CXCL13: variants seen among roughly 807,000 people sequenced by gnomAD.
CXCL13 encodes C-X-C motif chemokine 13.
In CXCL13, 7 loss-of-function variants were observed where a neutral mutation model predicts 12.2. The observed-to-expected ratio is 0.57, with a 90% CI of 0.33 to 1.07. The LOEUF (loss-of-function observed/expected upper bound fraction) is 1.07. CXCL13 is among the 50% of genes least tolerant of loss of function. The pLI, the probability that CXCL13 is intolerant of heterozygous loss-of-function variation, is 0.04. For synonymous variants in CXCL13, 47 were observed against 42.4 expected (o/e 1.11, Z -0.42); for missense variants, 113 against 127.4 (o/e 0.89, Z 0.55).
intron 1 of CXCL13, among the ~76,000 whole-genome samples, chr4:77,514,686 A>T (rs1241699850): frequency 1.3e-5 from 2 of 151,156 alleles, no homozygotes; most frequent in Non-Finnish European, 2.9e-5. Flanking sequence ...GTTTGAGTTC[A>T]TTGTAGATTC....
rs1482664785 is a variant in CXCL13, at chr4:77,573,406, GTGTGTA to G, written c.-42-32414_-42-32409del. Among the ~76,000 whole-genome samples, 40 of 136,424 alleles carry G rather than the reference GTGTGTA, an allele frequency of 2.9e-4. 1 individual carries two copies. Among genetic ancestry groups the G allele is most frequent in the Middle Eastern group, 3.6e-3 (1 of 278 alleles). The allele number at this position is 136,424 out of a possible 152,430, so 89.5% of individuals were successfully genotyped here. ...TGTGTGTGTGTGTGTGTGTGTGTGT[GTGTGTA>G]TGTCTAAATGTGTTTTATGTGTATT... On this transcript the variant is annotated intron_variant, in intron 1 of 4. Coordinates refer to the CXCL13 transcript ENST00000286758.
At chr4:77,565,904 G>A (rs1202123342) in intron 1 of CXCL13, among the ~76,000 whole-genome samples, 3 of 152,186 alleles carry the variant, frequency 2.0e-5, no homozygotes, top group African/African-American at 7.2e-5. Context: ...AAGAGAAGAT[G>A]ATATAATAGC....
intron 1 of CXCL13, among the ~76,000 whole-genome samples, chr4:77,513,456 T>A (rs1560511034): frequency 7.6e-6 from 1 of 132,060 alleles, no homozygotes; most frequent in African/African-American, 3.5e-5. Flanking sequence ...GTTTCCTGAC[T>A]TTTTTTTTTT....
Position 77,516,415 on chromosome 4 carries a change from C to A in CXCL13, c.-43+4627C>A, listed in dbSNP as rs1020929850. 2.0e-5 allele frequency among the ~76,000 whole-genome samples: 3 copies of A among 152,094 alleles called. No individual in the cohort carries two copies. The East Asian group carries it at 5.8e-4, about 29-fold the overall frequency. On this transcript the variant is annotated intron_variant, in intron 1 of 4. Transcript: ENST00000286758. ...TCCTCCTTGTACCTCTGGTAGAATT[C>A]GGCTGTGAATCCATCTGGTCCTGGA...
chr4:77,580,655 C>T (rs890662196), intron 1 of CXCL13, among the ~76,000 whole-genome samples: 4 of 151,768 alleles, frequency 2.6e-5, no homozygotes, highest in African/African-American at 9.7e-5. Flanking sequence ...GGATTTATTT[C>T]TGGCTTTTCC....
chr4:77,581,906 A>T (rs1245647067), intron 1 of CXCL13, among the ~76,000 whole-genome samples: 1 of 152,148 alleles, frequency 6.6e-6, no homozygotes. Flanking sequence ...CTACTCGTTG[A>T]ACTGGTTGCA....
upstream of CXCL13, among the ~76,000 whole-genome samples, chr4:77,602,025 T>C (rs58167062): frequency 0.028 from 4,312 of 152,310 alleles, 187 homozygotes; most frequent in African/African-American, 0.097. Flanking sequence ...AAGTTTCTGT[T>C]TTCTAGTTGA....
At chr4:77,591,476 G>A (rs901512281) in intron 1 of CXCL13, among the ~76,000 whole-genome samples, 17 of 150,090 alleles carry the variant, frequency 1.1e-4, no homozygotes, top group African/African-American at 2.0e-4. Flanking sequence ...GCCTGAACTC[G>A]GGAGGCGGAG....
intron 1 of CXCL13, among the ~76,000 whole-genome samples, chr4:77,522,358 C>G (rs1260439648): frequency 3.3e-5 from 5 of 151,906 alleles, no homozygotes; most frequent in Admixed American, 2.0e-4. Context: ...CTTTATGAAT[C>G]TGGGTGCTCC....
intron 1 of CXCL13, among the ~76,000 whole-genome samples, chr4:77,594,588 G>A (rs1005773884): frequency 1.3e-5 from 2 of 150,484 alleles, no homozygotes; most frequent in East Asian, 3.8e-4. Context: ...CCTGGGCTCT[G>A]TTGACAGGCA....
intron 1 of CXCL13, among the ~76,000 whole-genome samples, chr4:77,529,705 A>T (rs1344873809): frequency 1.3e-5 from 2 of 152,220 alleles, no homozygotes; most frequent in Non-Finnish European, 2.9e-5. Context: ...TAGATATAGA[A>T]TCATGTCATC....
At position 77,522,514 on chromosome 4, in the gene CXCL13, C is replaced by CTTTTTTTTTTTTTTTTT. The variant is rs777857811; in HGVS notation, c.-43+10740_-43+10756dup. On this transcript the variant is annotated intron_variant, in intron 1 of 4. Coordinates refer to the CXCL13 transcript ENST00000286758. ...TCAGAGACTAGGACTGCAACCCCTG[C>CTTTTTTTTTTTTTTTTT]TTTTTTTTTTTTTTTTTTTTTTTTT... 3.0e-4 allele frequency among the ~76,000 whole-genome samples: 3 copies of CTTTTTTTTTTTTTTTTT among 10,090 alleles called. 1 individual carries two copies. The highest frequency in any genetic ancestry group is 1.2e-3 in the Admixed American group (1 of 846). 6.6% of individuals were successfully genotyped at this position (10,090 alleles called of 152,430 possible). A position where few individuals can be genotyped will look rare whatever the true frequency, so the allele number is the denominator to read the frequency against.
At chr4:77,559,180 C>T (rs1455721898) in intron 1 of CXCL13, among the ~76,000 whole-genome samples, 1 of 152,182 alleles carries the variant, frequency 6.6e-6, no homozygotes, top group Non-Finnish European at 1.5e-5. Context: ...AGGAAGCAGA[C>T]TCTAGATAAA....
chr4:77,520,119 C>T (rs1724551145), intron 1 of CXCL13, among the ~76,000 whole-genome samples: 1 of 152,194 alleles, frequency 6.6e-6, no homozygotes, highest in Middle Eastern at 3.4e-3. Flanking sequence ...ATACTGTAGC[C>T]TTGTAGTATA....
intron 1 of CXCL13, among the ~76,000 whole-genome samples, chr4:77,548,735 T>A (rs558169973): frequency 1.3e-5 from 2 of 152,344 alleles, no homozygotes; most frequent in East Asian, 3.9e-4. Flanking sequence ...CCTTTGTGGG[T>A]AACCCGACCT....
intron 1 of CXCL13, among the ~76,000 whole-genome samples, chr4:77,600,579 C>T (rs1726862745): frequency 6.6e-6 from 1 of 152,158 alleles, no homozygotes; most frequent in Admixed American, 6.5e-5. Context: ...ATTATAGCGT[C>T]AGTAGAGGAG....
intron 1 of CXCL13, among the ~76,000 whole-genome samples, chr4:77,573,365 TGTGTG>T (rs1726135724): frequency 1.8e-4 from 3 of 17,118 alleles, no homozygotes; most frequent in Non-Finnish European, 3.0e-4. Context: ...GGGTCTTTTG[TGTGTG>T]TGTGTGTGTG....
chr4:77,551,445 G>A (rs553658961), intron 1 of CXCL13, among the ~76,000 whole-genome samples: 30 of 152,260 alleles, frequency 2.0e-4, no homozygotes, highest in African/African-American at 7.2e-4. Flanking sequence ...CTGAAAATAG[G>A]CCACCAATCT....
chr4:77,605,351 C>T (rs1459089100), upstream of CXCL13, among the ~76,000 whole-genome samples: 3 of 152,192 alleles, frequency 2.0e-5, no homozygotes, highest in Non-Finnish European at 2.9e-5. Context: ...TATAAAGAGA[C>T]ATTCATTTGC....
Sources: gnomAD v4.1 joint callset for allele counts (sites outside exome capture counted in the v4.1 genomes callset) on GRCh38, gnomAD v4.1.1 for gene constraint, MANE v1.5 for transcripts, NCBI Gene and HGNC (gene_info 2026-07-23, HGNC 2026-07-21) for gene names.